Variants in MRTFA observed in about 807,000 individuals in gnomAD.
MRTFA encodes the protein myocardin-related transcription factor A.
Under a neutral mutation model 83.5 loss-of-function variants are expected in MRTFA, and 20 were observed. The ratio of observed to expected loss-of-function variants is 0.24; its 90% CI spans 0.17 to 0.35. The LOEUF (loss-of-function observed/expected upper bound fraction) is 0.35, where lower values mean the gene tolerates loss of function less well. MRTFA is among the 10% of genes least tolerant of loss of function. The pLI, the probability that MRTFA is intolerant of heterozygous loss-of-function variation, is 1.00. For synonymous variants in MRTFA, 659 were observed against 541.2 expected, an observed-to-expected ratio of 1.22 and a Z score of -3.02; for missense variants, 1,200 against 1,224.7, an observed-to-expected ratio of 0.98 and a Z score of 0.30.
rs183251516 is a variant in MRTFA, at chr22:40,566,803, C to G, written c.-21-14436G>C. Among the ~76,000 whole-genome samples, 134 of 152,154 alleles carry G rather than the reference C, an allele frequency of 8.8e-4. 1 individual carries two copies. The Middle Eastern group carries it at 0.02, about 23-fold the overall frequency. On this transcript the variant is annotated intron_variant, in intron 2 of 14. Coordinates refer to ENST00000355630, the MANE Select transcript of MRTFA (RefSeq NM_020831.6). ...AGCCGACATCACACCACTGCACCCTCGCTTGGGCAACAGAGCAAGACTCCG... is the reference window on the plus strand; with the variant it reads ...AGCCGACATCACACCACTGCACCCTGGCTTGGGCAACAGAGCAAGACTCCG...
intron 1 of MRTFA, among the ~76,000 whole-genome samples, chr22:40,605,643 A>AT (rs1200093544): frequency 4.6e-5 from 7 of 152,310 alleles, no homozygotes; most frequent in Admixed American, 3.3e-4. Context: ...ATCGAGAATA[A>AT]TTTTTTACCA....
intron 3 of MRTFA, among the ~76,000 whole-genome samples, chr22:40,515,567 C>T (rs2054744323): frequency 1.3e-5 from 2 of 152,036 alleles, no homozygotes; most frequent in African/African-American, 2.4e-5. Context: ...GTGGCATGCA[C>T]CTGTAATCCC....
chr22:40,417,332 C>T lies in MRTFA; in HGVS notation c.2517+9G>A, dbSNP rs2052703603. ...CCAACACTAGCCAGGCCTAGCCCGCCTTCCTCACCTGCTGTTTGGGCTGCT... is the reference window on the plus strand; with the variant it reads ...CCAACACTAGCCAGGCCTAGCCCGCTTTCCTCACCTGCTGTTTGGGCTGCT... On this transcript the variant is annotated intron_variant, in intron 13 of 14. Transcript: ENST00000355630. 6.2e-7 allele frequency: 1 copy of T among 1,609,904 alleles called. No homozygotes were observed. Among genetic ancestry groups the T allele is most frequent in the East Asian group, 2.2e-5 (1 of 44,840 alleles).
intron 2 of MRTFA, among the ~76,000 whole-genome samples, chr22:40,560,378 G>A (rs2055595750): frequency 1.3e-5 from 2 of 152,086 alleles, no homozygotes. Context: ...TACAAGCACT[G>A]ACAAAAGACT....
intron 2 of MRTFA, among the ~76,000 whole-genome samples, chr22:40,577,609 A>AC (rs2055885888): frequency 7.7e-6 from 1 of 129,848 alleles, no homozygotes; most frequent in Admixed American, 7.9e-5. Flanking sequence ...TCTACATCTG[A>AC]TTTTTTTTTT....
Position 40,459,782 on chromosome 22 carries a change from TACACACAC to T in MRTFA, c.307+3431_307+3438del, listed in dbSNP as rs745698441. 6.5e-3 allele frequency among the ~76,000 whole-genome samples: 581 copies of T among 88,912 alleles called. 9 individuals are homozygous for T. The highest frequency in any genetic ancestry group is 0.025 in the African/African-American group (534 of 21,286). The allele number at this position is 88,912 out of a possible 152,430, so 58.3% of individuals were successfully genotyped here. ...CACTGGGGACGGGACTGATAAAATA[TACACACAC>T]ACACACACACACACACACACACACA... is the stretch of plus-strand genomic sequence containing the variant. On this transcript the variant is annotated intron_variant, in intron 4 of 14. Transcript: ENST00000355630.
intron 3 of MRTFA, among the ~76,000 whole-genome samples, chr22:40,470,264 T>TATATAA (rs1342888602): frequency 1.2e-5 from 1 of 80,596 alleles, no homozygotes; most frequent in Non-Finnish European, 2.6e-5. Flanking sequence ...TATATATATA[T>TATATAA]ATATATATAT....
intron 3 of MRTFA, among the ~76,000 whole-genome samples, chr22:40,527,221 T>C (rs1164889466): frequency 1.3e-5 from 2 of 152,028 alleles, no homozygotes; most frequent in Non-Finnish European, 2.9e-5. Context: ...CACTATGTAG[T>C]TGTCACATAG....
chr22:40,585,896 A>G (rs896023025), intron 2 of MRTFA, among the ~76,000 whole-genome samples: 19 of 152,248 alleles, frequency 1.2e-4, no homozygotes, highest in Non-Finnish European at 1.5e-5. Flanking sequence ...CAGGTCACAG[A>G]ATCAATTTCC....
At chr22:40,533,965 C>A (rs2055125591) in intron 3 of MRTFA, among the ~76,000 whole-genome samples, 1 of 152,122 alleles carries the variant, frequency 6.6e-6, no homozygotes, top group South Asian at 2.1e-4. Context: ...TTTCAGAAAA[C>A]AGATCAACTG....
intron 3 of MRTFA, among the ~76,000 whole-genome samples, chr22:40,504,524 G>A (rs528794638): frequency 2.0e-5 from 3 of 152,292 alleles, no homozygotes; most frequent in Non-Finnish European, 2.9e-5. Context: ...AAAACCAGAT[G>A]AGTGGTGAAA....
At chr22:40,623,981 C>CCGTA (rs1394804821) in intron 1 of MRTFA, among the ~76,000 whole-genome samples, 1 of 152,108 alleles carries the variant, frequency 6.6e-6, no homozygotes, top group Admixed American at 6.6e-5. Context: ...GCACATGCCT[C>CCGTA]CGGTACCAGC....
chr22:40,623,196 T>G (rs1452653161), intron 1 of MRTFA, among the ~76,000 whole-genome samples: 3 of 152,228 alleles, frequency 2.0e-5, no homozygotes, highest in Non-Finnish European at 4.4e-5. Flanking sequence ...CATTCTGTTC[T>G]CTTTCATTGT....
chr22:40,574,315 C>A (rs2147349669), intron 2 of MRTFA, among the ~76,000 whole-genome samples: 1 of 152,212 alleles, frequency 6.6e-6, no homozygotes, highest in Non-Finnish European at 1.5e-5. Flanking sequence ...TGAAAATATT[C>A]ATGGAAAAAA....
chr22:40,611,967 A>T (rs2056392728), intron 1 of MRTFA, among the ~76,000 whole-genome samples: 2 of 152,226 alleles, frequency 1.3e-5, no homozygotes, highest in African/African-American at 4.8e-5. Flanking sequence ...TCATCTAAAA[A>T]GTTATGTACA....
At chr22:40,629,074 T>C (rs967972043) in intron 1 of MRTFA, among the ~76,000 whole-genome samples, 27 of 151,642 alleles carry the variant, frequency 1.8e-4, no homozygotes, top group Non-Finnish European at 3.7e-4. Flanking sequence ...AGGATTGCTG[T>C]GGCCAGGAAT....
chr22:40,572,581 A>G (rs1291072993), intron 2 of MRTFA, among the ~76,000 whole-genome samples: 1 of 152,154 alleles, frequency 6.6e-6, no homozygotes, highest in Non-Finnish European at 1.5e-5. Flanking sequence ...AAGGAAATGA[A>G]GTAGTTACAC....
At chr22:40,577,943 C>A (rs1035730895) in intron 2 of MRTFA, among the ~76,000 whole-genome samples, 3 of 150,694 alleles carry the variant, frequency 2.0e-5, no homozygotes, top group Admixed American at 1.3e-4. Flanking sequence ...TGGTAAGACT[C>A]CTGAGAATTC....
At position 40,431,468 on chromosome 22, in the gene MRTFA, G is replaced by A. The variant is rs1448138761; in HGVS notation, c.376C>T (p.Leu126Phe). 6.2e-7 allele frequency: 1 copy of A among 1,614,014 alleles called. No homozygotes were observed. The highest frequency in any genetic ancestry group is 2.2e-5 in the East Asian group (1 of 44,886). The change falls in exon 6 of 15, where the codon CTC becomes TTC. Residue 126 changes from leucine (L) to phenylalanine (F), a missense_variant. Leu to Phe is a conservative substitution (Grantham distance 22). Coordinates refer to ENST00000355630, the MANE Select transcript of MRTFA (RefSeq NM_020831.6). ...GGCCGGGAACGAATCTTCCGTTTGA[G>A]ATAGTCCTCTGTCTACAGAAAAAAC...
Sources: gnomAD v4.1 joint callset for allele counts (sites outside exome capture counted in the v4.1 genomes callset) on GRCh38, gnomAD v4.1.1 for gene constraint, MANE v1.5 for transcripts, NCBI Gene and HGNC (gene_info 2026-07-23, HGNC 2026-07-21) for gene names.